PLGRKT: variants seen among roughly 807,000 people sequenced by gnomAD.
PLGRKT encodes plasminogen receptor with a C-terminal lysine.
In PLGRKT, 22 loss-of-function variants were observed where a neutral mutation model predicts 18.5. The observed-to-expected ratio is 1.19, with a 90% confidence interval of 0.85 to 1.70. The LOEUF (loss-of-function observed/expected upper bound fraction) is 1.70. Among genes scored for constraint, PLGRKT ranks in the 40% most tolerant of loss-of-function variants. PLGRKT has a pLI of 0.00. For missense variants in PLGRKT, 235 were observed against 174.4 expected (o/e 1.35, Z -1.96); for synonymous variants, 72 against 52.8 (o/e 1.36, Z -1.58).
At chr9:5,386,987 G>T (rs1289185872) in intron 3 of PLGRKT, among the ~76,000 whole-genome samples, 2 of 151,878 alleles carry the variant, frequency 1.3e-5, no homozygotes, top group African/African-American at 4.9e-5. Flanking sequence ...AGTGGCAGAA[G>T]ACAAGGTTGG....
chr9:5,427,873 T>C (rs1169693991), intron 3 of PLGRKT, among the ~76,000 whole-genome samples: 1 of 152,176 alleles, frequency 6.6e-6, no homozygotes, highest in African/African-American at 2.4e-5. Flanking sequence ...GTAAATGCTC[T>C]TGCCTAGATG....
chr9:5,377,995 G>A (rs1817664330), intron 3 of PLGRKT, among the ~76,000 whole-genome samples: 1 of 152,056 alleles, frequency 6.6e-6, no homozygotes, highest in African/African-American at 2.4e-5. Flanking sequence ...GGCAATTGTG[G>A]GGTTCTTCAG....
intron 2 of PLGRKT, among the ~76,000 whole-genome samples, chr9:5,432,357 C>G (rs887442882): frequency 1.3e-5 from 2 of 152,228 alleles, no homozygotes; most frequent in Non-Finnish European, 2.9e-5. Context: ...TACCATCCAT[C>G]TTCTTACCTC....
At chr9:5,411,169 A>T (rs1356736151) in intron 3 of PLGRKT, among the ~76,000 whole-genome samples, 1 of 152,104 alleles carries the variant, frequency 6.6e-6, no homozygotes, top group African/African-American at 2.4e-5. Context: ...GGACCACCTG[A>T]GGTCGGGAGT....
chr9:5,408,904 T>G (rs546366860), intron 3 of PLGRKT, among the ~76,000 whole-genome samples: 1 of 152,360 alleles, frequency 6.6e-6, no homozygotes, highest in South Asian at 2.1e-4. Context: ...GATACAGCTC[T>G]GGTCACTGCT....
chr9:5,424,411 T>G (rs1818639958), intron 3 of PLGRKT, among the ~76,000 whole-genome samples: 1 of 126,062 alleles, frequency 7.9e-6, no homozygotes, highest in African/African-American at 3.2e-5. Flanking sequence ...ATATTATATA[T>G]TAACATATAA....
chr9:5,368,725 T>G (rs1314016529), intron 3 of PLGRKT, among the ~76,000 whole-genome samples: 1 of 151,918 alleles, frequency 6.6e-6, no homozygotes, highest in Non-Finnish European at 1.5e-5. Flanking sequence ...AAACAAAAGT[T>G]GAAATTATAA....
chr9:5,430,363 A>G (rs1463913418), intron 3 of PLGRKT, among the ~76,000 whole-genome samples: 1 of 152,194 alleles, frequency 6.6e-6, no homozygotes, highest in Non-Finnish European at 1.5e-5. Context: ...TTGTAAACCT[A>G]ATACTTGGTC....
intron 3 of PLGRKT, among the ~76,000 whole-genome samples, chr9:5,391,393 A>G (rs1817947198): frequency 6.6e-6 from 1 of 151,968 alleles, no homozygotes; most frequent in Non-Finnish European, 1.5e-5. Flanking sequence ...AATTTCACCT[A>G]GATTATCGCA....
intron 2 of PLGRKT, among the ~76,000 whole-genome samples, chr9:5,434,106 CCCT>C (rs1818903298): frequency 6.7e-6 from 1 of 149,038 alleles, no homozygotes. Flanking sequence ...CCGGCTGCCA[CCCT>C]GTCTGGGAGG....
intron 3 of PLGRKT, among the ~76,000 whole-genome samples, chr9:5,400,405 A>G (rs961019951): frequency 6.6e-6 from 1 of 151,904 alleles, no homozygotes; most frequent in African/African-American, 2.4e-5. Flanking sequence ...ACCAAGTGTA[A>G]AATAAATTCC....
At chr9:5,411,314 G>C (rs1258192401) in intron 3 of PLGRKT, among the ~76,000 whole-genome samples, 1 of 151,512 alleles carries the variant, frequency 6.6e-6, no homozygotes, top group Non-Finnish European at 1.5e-5. Context: ...GAACCTGGGA[G>C]GCAGAGGTTG....
At chr9:5,371,069 A>G (rs1817504875) in intron 3 of PLGRKT, among the ~76,000 whole-genome samples, 1 of 152,240 alleles carries the variant, frequency 6.6e-6, no homozygotes, top group African/African-American at 2.4e-5. Flanking sequence ...AAAGATTACA[A>G]CATAATTACA....
chr9:5,430,536 T>A lies in PLGRKT; in HGVS notation c.81+1361A>T, dbSNP rs1266685503. On this transcript the variant is annotated intron_variant, in intron 3 of 5. Transcript: ENST00000223864. ...ATATTTATGAGGTGAGAAGCATTTTTCTAAAAACTTGAGGCATTGTTCTAT... is the reference window on the plus strand; with the variant it reads ...ATATTTATGAGGTGAGAAGCATTTTACTAAAAACTTGAGGCATTGTTCTAT... Among the ~76,000 whole-genome samples, 3 of 152,350 alleles carry A rather than the reference T, an allele frequency of 2.0e-5. No individual in the cohort carries two copies. In the East Asian group the frequency reaches 5.8e-4, roughly 29 times the overall value.
chr9:5,399,666 A>T (rs1280418867), intron 3 of PLGRKT, among the ~76,000 whole-genome samples: 1 of 151,820 alleles, frequency 6.6e-6, no homozygotes, highest in Non-Finnish European at 1.5e-5. Flanking sequence ...CAAATGTTTA[A>T]ATACTAAAAA....
At chr9:5,377,499 A>G (rs1212528373) in intron 3 of PLGRKT, among the ~76,000 whole-genome samples, 3 of 152,322 alleles carry the variant, frequency 2.0e-5, no homozygotes, top group Middle Eastern at 3.4e-3. Context: ...TAAGCTAACA[A>G]TATTTTTTAA....
At chr9:5,360,976 G>A (rs903158266) in intron 5 of PLGRKT, 102 bp downstream of exon 5, 4 of 678,618 alleles carry the variant, frequency 5.9e-6, no homozygotes, top group Middle Eastern at 2.7e-4. Context: ...TTCAAAGAGA[G>A]AGTCTTGTCA....
chr9:5,372,912 GA>G (rs1196032666), intron 3 of PLGRKT, among the ~76,000 whole-genome samples: 58 of 152,192 alleles, frequency 3.8e-4, no homozygotes, highest in Non-Finnish European at 4.4e-5. Context: ...CTAGGGATCA[GA>G]ATTTGAGTGA....
intron 3 of PLGRKT, among the ~76,000 whole-genome samples, chr9:5,416,361 G>A (rs1388109690): frequency 6.6e-6 from 1 of 152,074 alleles, no homozygotes; most frequent in Non-Finnish European, 1.5e-5. Context: ...TTAATAGCAA[G>A]GTTACCTGAA....
Sources: gnomAD v4.1 joint callset for allele counts (sites outside exome capture counted in the v4.1 genomes callset) on GRCh38, gnomAD v4.1.1 for gene constraint, MANE v1.5 for transcripts, NCBI Gene and HGNC (gene_info 2026-07-23, HGNC 2026-07-21) for gene names.